Variants in SPATA6L observed in about 807,000 individuals in gnomAD.
SPATA6L encodes spermatogenesis associated 6-like protein.
SPATA6L carries 68 observed loss-of-function variants against 49.2 expected under a neutral mutation model. The observed-to-expected ratio is 1.38, with a 90% CI of 1.14 to 1.69. The LOEUF (loss-of-function observed/expected upper bound fraction) is 1.69. Ranked by LOEUF, SPATA6L falls within the 40% of genes most tolerant of loss-of-function variation. The pLI, the probability that SPATA6L is intolerant of heterozygous loss-of-function variation, is 0.00. For synonymous variants in SPATA6L, 198 were observed against 165.7 expected, an observed-to-expected ratio of 1.19 and a Z score of -1.50; for missense variants, 668 against 464.3, an observed-to-expected ratio of 1.44 and a Z score of -4.03.
chr9:4,595,901 A>G (rs114836700), downstream of SPATA6L, among the ~76,000 whole-genome samples: 283 of 152,352 alleles, frequency 1.9e-3, 2 homozygotes, highest in African/African-American at 6.4e-3. Flanking sequence ...GGCAAGACCC[A>G]GCTTCAGACC....
chr9:4,635,291 G>T lies in SPATA6L; in HGVS notation c.335C>A (p.Thr112Lys). 6.5e-7 allele frequency: 1 copy of T among 1,536,614 alleles called. No individual in the cohort carries two copies. Among genetic ancestry groups the T allele is most frequent in the Non-Finnish European group, 8.7e-7 (1 of 1,153,848 alleles). The change falls in exon 4 of 12, where the codon ACG (threonine) becomes AAG (lysine). Residue 112 changes from threonine (T) to lysine (K), a missense_variant. By Grantham distance (78) the Thr-to-Lys change is moderately conservative. Coordinates refer to ENST00000682582, the MANE Select transcript of SPATA6L (RefSeq NM_001353486.2). The stretch of plus-strand genomic sequence containing the variant: ...ATCACTTACTGGAAAACCCAGAGCC[G>T]TCTTCATGAGCACCTCCCTACACCT... Reference protein sequence around the residue: ...PRRCREVLMKTALGFPGIAPK... With the variant: ...PRRCREVLMKKALGFPGIAPK...
chr9:4,623,878 T>G (rs1256414657), intron 6 of SPATA6L, among the ~76,000 whole-genome samples: 1 of 152,246 alleles, frequency 6.6e-6, no homozygotes, highest in East Asian at 1.9e-4. Context: ...TTTTTATGGT[T>G]ACATGTTTAA....
rs1294134436 is a variant in SPATA6L, at chr9:4,606,459, G to GCAGA, written c.996-1023_996-1020dup. On this transcript the variant is annotated intron_variant, in intron 9 of 11. Coordinates refer to ENST00000682582, the MANE Select transcript of SPATA6L (RefSeq NM_001353486.2). Reference sequence around the variant, plus strand: ...TACGCAGCTGGAGATCTGAGAAGGGGCAGACTGCGTCCTCAAGTGGGTGCC... The same window carrying GCAGA: ...TACGCAGCTGGAGATCTGAGAAGGGGCAGACAGACTGCGTCCTCAAGTGGGTGCC... 3.6e-4 allele frequency among the ~76,000 whole-genome samples: 17 copies of GCAGA among 46,972 alleles called. 1 individual carries two copies. The highest frequency in any genetic ancestry group is 1.4e-3 in the East Asian group (4 of 2,784). 30.8% of individuals were successfully genotyped at this position (46,972 alleles called of 152,430 possible).
At chr9:4,649,029 G>C (rs1013583737) in intron 3 of SPATA6L, among the ~76,000 whole-genome samples, 1 of 105,942 alleles carries the variant, frequency 9.4e-6, no homozygotes, top group East Asian at 3.0e-4. Flanking sequence ...TGGTTGAGTA[G>C]TATTCCATCA....
intron 2 of SPATA6L, 107 bp from the exon 3 acceptor site, chr9:4,656,196 T>A: frequency 1.2e-6 from 1 of 866,012 alleles, no homozygotes. Context: ...CCTAGCACTT[T>A]GGGAGGCCGA....
chr9:4,614,663 G>A (rs1827546344), intron 9 of SPATA6L, among the ~76,000 whole-genome samples: 1 of 151,862 alleles, frequency 6.6e-6, no homozygotes, highest in South Asian at 2.1e-4. Context: ...GGTTTACCTG[G>A]GACTCAGGGG....
chr9:4,605,877 T>G (rs555432500), intron 9 of SPATA6L, among the ~76,000 whole-genome samples: 117 of 152,260 alleles, frequency 7.7e-4, no homozygotes, highest in Middle Eastern at 3.4e-3. Context: ...GACGGGTGAT[T>G]TCTGCATTTC....
chr9:4,654,969 A>G (rs114997288), intron 3 of SPATA6L, among the ~76,000 whole-genome samples: 3,383 of 152,254 alleles, frequency 0.022, 112 homozygotes, highest in African/African-American at 0.076. Flanking sequence ...TCCCTGGTCC[A>G]TATCATTTAA....
At position 4,662,003 on chromosome 9, in the gene SPATA6L, G is replaced by A; in HGVS notation, c.73C>T (p.Gln25Ter). 6.2e-7 allele frequency: 1 copy of A among 1,614,112 alleles called. No individual in the cohort carries two copies. The highest frequency in any genetic ancestry group is 8.5e-7 in the Non-Finnish European group (1 of 1,179,990). The change falls in exon 2 of 12, where the codon CAA (glutamine) becomes TAA (stop). Residue 25 changes from glutamine (Q) to a stop codon, truncating the protein, a stop_gained. Coordinates refer to ENST00000682582, the MANE Select transcript of SPATA6L (RefSeq NM_001353486.2). LOFTEE classifies it high-confidence loss of function. This position sits in a 1 kb window ranked among gnomAD's most constrained non-coding sequence, Gnocchi z 4.9. ...SCPGVFLPGK[Q>*]DVYLGVYLMN... ...AGGTAGACCCCGAGGTACACATCTT[G>A]TTTGCCAGGCAGGAACACTCCTGGG...
At chr9:4,618,402 G>T (rs1828511725) in intron 8 of SPATA6L, among the ~76,000 whole-genome samples, 1 of 152,114 alleles carries the variant, frequency 6.6e-6, no homozygotes, top group African/African-American at 2.4e-5. Context: ...TTATTGGTCT[G>T]GGAAAAATGT....
Position 4,635,339 on chromosome 9 carries a change from T to G in SPATA6L, c.287A>C (p.Lys96Thr). ...CCTCCTAGGGTGCGAAGGTGTCAGC[T>G]TGGGCTCTGGGAAAAGAAAATCTCG... ...NTRDFLFPEP[K>T]LTPSHPRRCR... is the part of the protein sequence containing the mutation. The change falls in exon 4 of 12, where the codon AAG becomes ACG. Residue 96 changes from lysine (K) to threonine (T), a missense_variant. Physicochemically the swap from Lys to Thr is moderately conservative, Grantham distance 78 (BLOSUM62 -1). Transcript: ENST00000682582. 6.3e-7 allele frequency: 1 copy of G among 1,590,542 alleles called. No individual in the cohort carries two copies. Among genetic ancestry groups the G allele is most frequent in the Non-Finnish European group, 8.5e-7 (1 of 1,171,712 alleles).
intron 5 of SPATA6L, chr9:4,627,276 A>G (rs1441453524): frequency 6.4e-6 from 1 of 156,694 alleles, no homozygotes; most frequent in African/African-American, 2.4e-5. Context: ...AAAAATTGCT[A>G]TGAACACATC....
chr9:4,618,009 A>G lies in SPATA6L; in HGVS notation c.909T>C (p.Asp303=). 1 of 1,614,170 alleles carries G rather than the reference A, an allele frequency of 6.2e-7. No individual in the cohort carries two copies. The highest frequency in any genetic ancestry group is 8.5e-7 in the Non-Finnish European group (1 of 1,180,026). ...FGKSSSSKQG[D]ADFHGKASFA... Reference sequence around the variant, plus strand: ...ATGAAGCTTTCCCGTGGAAATCAGCATCCCCTTGTTTACTGGATGAAGACT... The same window carrying G: ...ATGAAGCTTTCCCGTGGAAATCAGCGTCCCCTTGTTTACTGGATGAAGACT... The change falls in exon 9 of 12, where the codon GAT becomes GAC. Residue 303 remains aspartate (D), a synonymous_variant. Coordinates refer to ENST00000682582, the MANE Select transcript of SPATA6L (RefSeq NM_001353486.2).
intron 9 of SPATA6L, among the ~76,000 whole-genome samples, chr9:4,615,641 T>A (rs1827802554): frequency 6.6e-6 from 1 of 152,202 alleles, no homozygotes; most frequent in Non-Finnish European, 1.5e-5. Flanking sequence ...CTCCCCTGCA[T>A]TTGGATTGTA....
Position 4,601,342 on chromosome 9 carries a change from T to C in SPATA6L, c.*2-533A>G, listed in dbSNP as rs534025700. Among the ~76,000 whole-genome samples, 4 of 149,954 alleles carry C rather than the reference T, an allele frequency of 2.7e-5. No individual in the cohort carries two copies. The Admixed American group carries it at 2.7e-4, about 10-fold the overall frequency. On this transcript the variant is annotated intron_variant, in intron 11 of 11. Coordinates refer to ENST00000682582, the MANE Select transcript of SPATA6L (RefSeq NM_001353486.2). ...TTATGCCTTCCAAGAGAACTAGGGATAATCTGAGGGGTTTCTTTACGGGAG... is the reference window on the plus strand; with the variant it reads ...TTATGCCTTCCAAGAGAACTAGGGACAATCTGAGGGGTTTCTTTACGGGAG...
chr9:4,622,564 T>C, intron 6 of SPATA6L, 54 bp from the exon 7 acceptor site: 1 of 1,230,284 alleles, frequency 8.1e-7, no homozygotes, highest in Non-Finnish European at 1.2e-6. Flanking sequence ...TCTAGTACCC[T>C]CCCCTCGTTA....
intron 9 of SPATA6L, among the ~76,000 whole-genome samples, chr9:4,610,622 C>T (rs998402107): frequency 2.5e-4 from 38 of 151,724 alleles, no homozygotes; most frequent in Admixed American, 2.5e-3. Context: ...GGATCCCTTC[C>T]TTACACCTTA....
At chr9:4,636,868 G>A (rs1026846361) in intron 3 of SPATA6L, among the ~76,000 whole-genome samples, 1 of 152,116 alleles carries the variant, frequency 6.6e-6, no homozygotes, top group Non-Finnish European at 1.5e-5. Flanking sequence ...ACAATGGATT[G>A]ATGTTCCCTC....
downstream of SPATA6L, chr9:4,596,561 G>A (rs762363251): frequency 1.3e-5 from 2 of 152,166 alleles, no homozygotes; most frequent in African/African-American, 4.8e-5. Context: ...AAGTTTATTT[G>A]GGGGTGGTGG....
Sources: gnomAD v4.1 joint callset for allele counts (sites outside exome capture counted in the v4.1 genomes callset) on GRCh38, gnomAD v4.1.1 for gene constraint, Gnocchi (gnomAD v3.1) non-coding constraint, MANE v1.5 for transcripts, NCBI Gene and HGNC (gene_info 2026-07-23, HGNC 2026-07-21) for gene names.